Variants in SOX5 observed in about 807,000 individuals in gnomAD.
The protein encoded by SOX5 is transcription factor SOX-5.
SOX5 carries 9 observed loss-of-function variants against 92.0 expected under a neutral mutation model. The observed-to-expected ratio is 0.10, with a 90% confidence interval of 0.06 to 0.17. The LOEUF (loss-of-function observed/expected upper bound fraction) is 0.17. Ranked by LOEUF, SOX5 falls within the 10% of genes least tolerant of loss-of-function variation. SOX5 has a pLI of 1.00. For missense variants in SOX5, 642 were observed against 944.5 expected, an observed-to-expected ratio of 0.68 and a Z score of 4.20; for synonymous variants, 344 against 336.3, an observed-to-expected ratio of 1.02 and a Z score of -0.25.
chr12:24,507,754 C>T (rs1047531406), intron 1 of SOX5, among the ~76,000 whole-genome samples: 2 of 151,980 alleles, frequency 1.3e-5, no homozygotes, highest in African/African-American at 4.8e-5. Flanking sequence ...TGTATGGTAT[C>T]TTGAATTTGC....
At chr12:24,427,597 C>G (rs74068334) in intron 1 of SOX5, among the ~76,000 whole-genome samples, 1 of 152,168 alleles carries the variant, frequency 6.6e-6, no homozygotes, top group Non-Finnish European at 1.5e-5. Flanking sequence ...ATCGGCTATG[C>G]ATCTGAGGAC....
At chr12:24,337,581 C>T (rs1026795465) in intron 2 of SOX5, among the ~76,000 whole-genome samples, 3 of 152,166 alleles carry the variant, frequency 2.0e-5, no homozygotes, top group South Asian at 4.1e-4. Flanking sequence ...TTAAGGTGAT[C>T]TGCCCACCTC....
At chr12:24,243,719 T>G (rs1439874087) in intron 3 of SOX5, among the ~76,000 whole-genome samples, 1 of 152,126 alleles carries the variant, frequency 6.6e-6, no homozygotes, top group Non-Finnish European at 1.5e-5. Flanking sequence ...CATGTGATTA[T>G]GTACTTTTAA....
chr12:24,140,561 C>T (rs188006457), intron 4 of SOX5, among the ~76,000 whole-genome samples: 47 of 152,102 alleles, frequency 3.1e-4, no homozygotes, highest in Non-Finnish European at 5.3e-4. Context: ...GTTTTGAATC[C>T]TGAGATGTTT....
At chr12:24,197,044 T>A (rs1483916015) in intron 4 of SOX5, among the ~76,000 whole-genome samples, 4 of 152,308 alleles carry the variant, frequency 2.6e-5, no homozygotes, top group African/African-American at 9.6e-5. Flanking sequence ...TCACCAGGCT[T>A]GAAGAGGAAA....
intron 2 of SOX5, among the ~76,000 whole-genome samples, chr12:24,288,424 C>A (rs10842315): frequency 0.33 from 50,748 of 151,992 alleles, 10,922 homozygotes; most frequent in African/African-American, 0.61. Flanking sequence ...CTGGTTTGGC[C>A]TAAGACTATC....
At chr12:24,300,645 C>T (rs1947840857) in intron 2 of SOX5, among the ~76,000 whole-genome samples, 1 of 151,978 alleles carries the variant, frequency 6.6e-6, no homozygotes, top group Admixed American at 6.5e-5. Flanking sequence ...AGGAAGCCAT[C>T]CAGTAATAGT....
At chr12:24,497,415 T>C (rs1352345838) in intron 1 of SOX5, among the ~76,000 whole-genome samples, 2 of 152,180 alleles carry the variant, frequency 1.3e-5, no homozygotes, top group Non-Finnish European at 2.9e-5. Flanking sequence ...CCAGACAGAA[T>C]TTCAACAAAA....
intron 1 of SOX5, among the ~76,000 whole-genome samples, chr12:24,423,072 G>T (rs1484497984): frequency 6.6e-6 from 1 of 152,158 alleles, no homozygotes; most frequent in East Asian, 1.9e-4. Flanking sequence ...GTTTGAAAAT[G>T]TTATCTATAT....
chr12:24,074,928 C>A (rs146091975), intron 4 of SOX5, among the ~76,000 whole-genome samples: 1 of 150,278 alleles, frequency 6.7e-6, no homozygotes, highest in East Asian at 2.0e-4. Flanking sequence ...ACTCTCCAAA[C>A]CTAAATTGAT....
Position 23,604,469 on chromosome 12 carries a change from G to T in SOX5, c.1082C>A (p.Pro361His). ...VSPGGKLPGIPQGNLGAAVSP... is the reference protein window; with the variant it reads ...VSPGGKLPGIHQGNLGAAVSP... Reference sequence around the variant, plus strand: ...TACAGCAGCACCAAGGTTGCCTTGGGGTATGCCTGGCAGCTTCCCTCCTGG... The same window carrying T: ...TACAGCAGCACCAAGGTTGCCTTGGTGTATGCCTGGCAGCTTCCCTCCTGG... Residue 361 changes from proline to histidine, a missense_variant, in exon 9 of 15, where the codon CCC becomes CAC. Around this residue, in one of 8 missense-constraint regions of SOX5, gnomAD observed 324 missense variants for 461.6 expected, o/e 0.70. Transcript: ENST00000451604. The T allele has an allele frequency of 6.2e-7, 1 of 1,613,634 alleles. No homozygotes were observed.
intron 1 of SOX5, among the ~76,000 whole-genome samples, chr12:24,519,478 T>C (rs1388617167): frequency 1.3e-5 from 2 of 151,648 alleles, no homozygotes; most frequent in East Asian, 1.9e-4. Flanking sequence ...ACTAAGTAAA[T>C]AGATTTGAGA....
At chr12:23,835,305 A>G (rs901623083) in intron 3 of SOX5, among the ~76,000 whole-genome samples, 2 of 151,878 alleles carry the variant, frequency 1.3e-5, no homozygotes, top group African/African-American at 4.8e-5. Context: ...TGAAAGGGAA[A>G]AAAGGAACCT....
chr12:23,546,595 A>G (rs1434464354), intron 11 of SOX5, among the ~76,000 whole-genome samples, 171 bp from the exon 12 acceptor site: 1 of 152,154 alleles, frequency 6.6e-6, no homozygotes, highest in East Asian at 1.9e-4. Context: ...GATGATCAGC[A>G]CGATTTTTGA....
intron 6 of SOX5, among the ~76,000 whole-genome samples, chr12:23,711,599 G>C (rs1269348091): frequency 6.6e-6 from 1 of 152,038 alleles, no homozygotes; most frequent in African/African-American, 2.4e-5. Context: ...CTTATGAAAA[G>C]ATATGCTGAT....
At chr12:23,732,131 C>A (rs1567302749) in intron 6 of SOX5, among the ~76,000 whole-genome samples, 1 of 152,026 alleles carries the variant, frequency 6.6e-6, no homozygotes, top group South Asian at 2.1e-4. Context: ...TTCATGATAG[C>A]AGATTGTATA....
At chr12:23,846,623 C>T (rs777971663) in intron 2 of SOX5, among the ~76,000 whole-genome samples, 3 of 151,924 alleles carry the variant, frequency 2.0e-5, no homozygotes, top group Non-Finnish European at 2.9e-5. Flanking sequence ...TGTTAAACTT[C>T]CTGACTTTGT....
In SOX5 at chr12:23,600,326, G is replaced by A. The variant is rs182752301; in HGVS notation, c.1164+4061C>T. Among the ~76,000 whole-genome samples the A allele has an allele frequency of 2.3e-3, 343 of 151,700 alleles. 1 individual carries two copies. In the Middle Eastern group the frequency reaches 0.024, roughly 11 times the overall value. Reference sequence around the variant, plus strand: ...TATCTGCGAAGAGCTAAACATATTCGCTTTTGTGGGTCAATGAAAAAAATA... The same window carrying A: ...TATCTGCGAAGAGCTAAACATATTCACTTTTGTGGGTCAATGAAAAAAATA... On this transcript the variant is annotated intron_variant, in intron 9 of 14. Coordinates refer to ENST00000451604, the MANE Select transcript of SOX5 (RefSeq NM_006940.6).
At chr12:24,247,368 G>C (rs1939033577) in intron 3 of SOX5, among the ~76,000 whole-genome samples, 1 of 152,168 alleles carries the variant, frequency 6.6e-6, no homozygotes, top group African/African-American at 2.4e-5. Context: ...AGGTTTCCTT[G>C]AAGAAGTGTG....
Sources: gnomAD v4.1 joint callset for allele counts (sites outside exome capture counted in the v4.1 genomes callset) on GRCh38, gnomAD v4.1.1 for gene constraint, gnomAD v4.1.1 regional missense constraint, MANE v1.5 for transcripts, NCBI Gene and HGNC (gene_info 2026-07-23, HGNC 2026-07-21) for gene names.